The following CIMAP1D variants were observed in gnomAD, a reference collection of about 807,000 sequenced individuals.
CIMAP1D encodes CIMAP1 family member D.
At chr19:476,016 T>TTC in the CIMAP1D span, among the ~76,000 whole-genome samples, 48 of 123,090 alleles carry the variant, frequency 3.9e-4, no homozygotes, top group Non-Finnish European at 6.7e-4. Flanking sequence ...TTTTTTTTTT[T>TTC]GAGACAGAGT....
the CIMAP1D span, among the ~76,000 whole-genome samples, chr19:473,332 G>A: frequency 7.6e-4 from 19 of 25,144 alleles, no homozygotes; most frequent in South Asian, 6.7e-3. Flanking sequence ...CAGATGGGGA[G>A]ACTGAGGCCC....
chr19:490,216 C>T, the CIMAP1D span: 24 of 309,172 alleles, frequency 7.8e-5, no homozygotes, highest in Admixed American at 1.0e-4. Context: ...ATTAGCCGGG[C>T]GTGGTGGCGC....
At chr19:489,192 G>T in the CIMAP1D span, 3 of 152,118 alleles carry the variant, frequency 2.0e-5, no homozygotes, top group African/African-American at 4.8e-5. Flanking sequence ...GGAAAAGGAG[G>T]GGGAGCGGCT....
At chr19:482,654 GCT>G in the CIMAP1D span, among the ~76,000 whole-genome samples, 1 of 152,064 alleles carries the variant, frequency 6.6e-6, no homozygotes, top group Non-Finnish European at 1.5e-5. Flanking sequence ...TCTGCTGCCA[GCT>G]CTGTGCTCAC....
the CIMAP1D span, chr19:490,005 G>A: frequency 2.5e-6 from 1 of 398,548 alleles, no homozygotes; most frequent in Non-Finnish European, 4.4e-6. Context: ...CACGTCCGGC[G>A]GCCACGATAG....
chr19:488,894 G>A, the CIMAP1D span, among the ~76,000 whole-genome samples: 16,226 of 152,092 alleles, frequency 0.11, 1,754 homozygotes, highest in African/African-American at 0.28. Flanking sequence ...AGGGCAGCCG[G>A]GGCGCCCCGC....
the CIMAP1D span, chr19:467,806 G>A: frequency 1.5e-6 from 2 of 1,294,578 alleles, no homozygotes; most frequent in Non-Finnish European, 2.2e-6. Context: ...TCTGAAGACA[G>A]TGCCTGCCCC....
chr19:488,736 C>T, the CIMAP1D span, among the ~76,000 whole-genome samples: 1 of 152,006 alleles, frequency 6.6e-6, no homozygotes, highest in Admixed American at 6.5e-5. Flanking sequence ...CGCAGCGAGC[C>T]CAGCGCCGGG....
chr19:463,396 TAGA>T, the CIMAP1D span: 1 of 207,812 alleles, frequency 4.8e-6, no homozygotes, highest in East Asian at 1.5e-4. Context: ...TAAGCAACTG[TAGA>T]AGGTGGAGTG....
chr19:487,197 CACT>C, the CIMAP1D span, among the ~76,000 whole-genome samples: 1 of 152,154 alleles, frequency 6.6e-6, no homozygotes. Context: ...CTCCTGAGCC[CACT>C]GTGAAGTTCG....
At chr19:485,031 C>T in the CIMAP1D span, among the ~76,000 whole-genome samples, 1 of 151,982 alleles carries the variant, frequency 6.6e-6, no homozygotes, top group Non-Finnish European at 1.5e-5. Context: ...GGGTTCTGGG[C>T]CTGTCTTGAA....
chr19:464,301 C>T, the CIMAP1D span: 14 of 1,541,918 alleles, frequency 9.1e-6, no homozygotes, highest in East Asian at 4.9e-5. Context: ...CGGCGGTGTC[C>T]GATGGCGCAC....
the CIMAP1D span, among the ~76,000 whole-genome samples, chr19:477,433 G>A: frequency 7.0e-4 from 106 of 152,060 alleles, 1 homozygote; most frequent in Non-Finnish European, 1.5e-4. Context: ...AATTAGCTGG[G>A]CACAGTGGTG....
chr19:481,086 AG>A, the CIMAP1D span, among the ~76,000 whole-genome samples: 1 of 92,026 alleles, frequency 1.1e-5, no homozygotes, highest in Admixed American at 1.1e-4. Context: ...AGGATGATGG[AG>A]AACGATGATG....
chr19:485,442 C>T, the CIMAP1D span, among the ~76,000 whole-genome samples: 3 of 152,252 alleles, frequency 2.0e-5, no homozygotes, highest in Admixed American at 1.3e-4. Context: ...AGATGACAGA[C>T]ATGACTGCTG....
chr19:464,044 T>G, the CIMAP1D span: 1 of 1,586,184 alleles, frequency 6.3e-7, no homozygotes, highest in Non-Finnish European at 8.5e-7. Flanking sequence ...CGCCCCAGCA[T>G]GGTGAAGGCA....
At chr19:488,036 A>T in the CIMAP1D span, among the ~76,000 whole-genome samples, 4 of 152,044 alleles carry the variant, frequency 2.6e-5, no homozygotes, top group African/African-American at 9.7e-5. Context: ...TCAATCGATC[A>T]CGACCCTCTC....
At chr19:483,550 GC>G in the CIMAP1D span, among the ~76,000 whole-genome samples, 2 of 152,192 alleles carry the variant, frequency 1.3e-5, no homozygotes, top group East Asian at 1.9e-4. Context: ...CCAGGTGATT[GC>G]CCCCAGGGGA....
At chr19:479,241 G>A in the CIMAP1D span, among the ~76,000 whole-genome samples, 4 of 152,268 alleles carry the variant, frequency 2.6e-5, no homozygotes, top group South Asian at 2.1e-4. Context: ...ATTGAAGCCC[G>A]TCAGTAACAA....
Sources: allele counts gnomAD v4.1 joint callset (sites outside exome capture counted in the v4.1 genomes callset), GRCh38; gene constraint gnomAD v4.1.1; transcripts MANE v1.5; gene names NCBI Gene and HGNC (gene_info 2026-07-23, HGNC 2026-07-21).